CACNA1D: variants seen among roughly 807,000 people sequenced by gnomAD.
CACNA1D encodes calcium voltage-gated channel subunit alpha1 D.
A neutral mutation model predicts 257.1 loss-of-function variants in CACNA1D; 55 were observed. The observed-to-expected ratio is 0.21, with a 90% CI of 0.17 to 0.27. The LOEUF is 0.27. CACNA1D is among the 10% of genes least tolerant of loss of function. The pLI, the probability that CACNA1D is intolerant of heterozygous loss-of-function variation, is 1.00. For missense variants in CACNA1D, 1,876 were observed against 2,784.0 expected, an observed-to-expected ratio of 0.67 and a Z score of 7.34; for synonymous variants, 980 against 1,014.9, an observed-to-expected ratio of 0.97 and a Z score of 0.65.
chr3:53,653,143 T>C (rs67291086), intron 4 of CACNA1D, among the ~76,000 whole-genome samples: 20,137 of 152,020 alleles, frequency 0.13, 1,347 homozygotes, highest in East Asian at 0.13. Context: ...CCCGGCTACA[T>C]GGGAGGCTGA....
At chr3:53,704,674 C>G (rs898119897) in intron 9 of CACNA1D, among the ~76,000 whole-genome samples, 11 of 152,208 alleles carry the variant, frequency 7.2e-5, no homozygotes, top group African/African-American at 2.7e-4. Flanking sequence ...CGCTCTTTTC[C>G]CCTTCACTTG....
chr3:53,791,605 C>T (rs1161884852), intron 40 of CACNA1D: 1 of 152,832 alleles, frequency 6.5e-6, no homozygotes, highest in Non-Finnish European at 1.5e-5. Context: ...TCTGCAGAGA[C>T]CCAGTCCAGA....
intron 9 of CACNA1D, among the ~76,000 whole-genome samples, chr3:53,717,229 C>A (rs1331617646): frequency 6.6e-6 from 1 of 152,194 alleles, no homozygotes; most frequent in African/African-American, 2.4e-5. Context: ...ACCTCTGCAC[C>A]CCGGCAGAAT....
intron 3 of CACNA1D, among the ~76,000 whole-genome samples, chr3:53,590,133 C>A (rs182987524): frequency 6.6e-6 from 1 of 152,370 alleles, no homozygotes; most frequent in Non-Finnish European, 1.5e-5. Context: ...CCTGGCCCTG[C>A]CTGGCCATCC....
In CACNA1D at chr3:53,747,425, C is replaced by T. The variant is rs2095180857; in HGVS notation, c.3291C>T (p.Val1097=). The change falls in exon 26 of 48, where the codon GTC becomes GTT. Residue 1097 remains valine (V), a synonymous_variant. Coordinates refer to ENST00000350061, the MANE Select transcript of CACNA1D (RefSeq NM_001128840.3). ...VLSAMMALFT[V]STFEGWPALL... ...CTGCTATGATGGCGCTCTTCACAGT[C>T]TCCACGTTTGAGGGCTGGCCTGCGT... is the stretch of plus-strand genomic sequence containing the variant. 11 of 1,614,250 alleles carry T rather than the reference C, an allele frequency of 6.8e-6. No homozygotes were observed. Among genetic ancestry groups the T allele is most frequent in the African/African-American group, 1.3e-5 (1 of 75,080 alleles).
At chr3:53,659,069 C>G (rs935880936) in intron 4 of CACNA1D, among the ~76,000 whole-genome samples, 3 of 152,182 alleles carry the variant, frequency 2.0e-5, no homozygotes, top group Non-Finnish European at 4.4e-5. Flanking sequence ...GTTGCTGGGC[C>G]AGTCATTCCC....
intron 8 of CACNA1D, among the ~76,000 whole-genome samples, chr3:53,686,472 A>G (rs370220123): frequency 6.6e-6 from 1 of 152,112 alleles, no homozygotes; most frequent in African/African-American, 2.4e-5. Context: ...TAGCAGGATG[A>G]AAGGAATAAT....
chr3:53,576,465 T>A (rs1456981821), intron 3 of CACNA1D, among the ~76,000 whole-genome samples: 1 of 152,220 alleles, frequency 6.6e-6, no homozygotes, highest in African/African-American at 2.4e-5. Flanking sequence ...CTTTCTGTAA[T>A]GTTTTCCCAT....
Position 53,774,780 on chromosome 3 carries a change from T to A in CACNA1D, c.4202+102T>A. On this transcript the variant is annotated intron_variant, in intron 34 of 47. Transcript: ENST00000350061. The surrounding 1 kb of genome is among the most constrained non-coding windows in gnomAD (Gnocchi z 4.3). ...AGGTTATTAAAGCAGTGTGCCTTTCTCAGTTGATTGTGATGGCTTTTTGTT... is the reference window on the plus strand; with the variant it reads ...AGGTTATTAAAGCAGTGTGCCTTTCACAGTTGATTGTGATGGCTTTTTGTT... 1 of 734,930 alleles carries A rather than the reference T, an allele frequency of 1.4e-6. No homozygotes were observed. The highest frequency in any genetic ancestry group is 2.5e-5 in the East Asian group (1 of 40,552). The allele number at this position is 734,930 out of a possible 1,614,324, so 45.5% of individuals were successfully genotyped here. A position where few individuals can be genotyped will look rare whatever the true frequency, so the allele number is the denominator to read the frequency against.
intron 3 of CACNA1D, among the ~76,000 whole-genome samples, chr3:53,540,432 A>G (rs992218055): frequency 1.3e-5 from 2 of 151,612 alleles, no homozygotes; most frequent in South Asian, 4.2e-4. Flanking sequence ...GGCCACAAGT[A>G]CTTTTAAAAT....
Position 53,495,165 on chromosome 3 carries a change from G to GGATGATGAT in CACNA1D, c.14_22dup. The GGATGATGAT allele has an allele frequency of 2.5e-6, 4 of 1,607,402 alleles. No individual in the cohort carries two copies. The highest frequency in any genetic ancestry group is 3.4e-6 in the Non-Finnish European group (4 of 1,175,298). The stretch of plus-strand genomic sequence containing the variant: ...CAGTAGTCGCTCAATAAATGTTCGT[G>GGATGATGAT]GATGATGATGATGATGATGATGAAA... On this transcript the variant is annotated 5_prime_UTR_variant, in exon 1 of 48. In the 5' UTR this introduces an upstream ATG that the reference lacks. Transcript: ENST00000350061. The surrounding 1 kb of genome is among the most constrained non-coding windows in gnomAD (Gnocchi z 5.1).
chr3:53,510,384 A>G (rs146935827), intron 3 of CACNA1D, among the ~76,000 whole-genome samples: 447 of 152,350 alleles, frequency 2.9e-3, no homozygotes, highest in Non-Finnish European at 5.4e-3. Flanking sequence ...CCATATCTGT[A>G]TGCAGAAATC....
intron 3 of CACNA1D, among the ~76,000 whole-genome samples, chr3:53,610,026 T>C (rs1302788620): frequency 6.6e-6 from 1 of 152,264 alleles, no homozygotes; most frequent in African/African-American, 2.4e-5. Context: ...TGTAAATTTC[T>C]ACATATTTGG....
At chr3:53,719,227 C>G (rs2094855921) in intron 10 of CACNA1D, among the ~76,000 whole-genome samples, 1 of 152,196 alleles carries the variant, frequency 6.6e-6, no homozygotes, top group African/African-American at 2.4e-5. Flanking sequence ...GCAGAATATG[C>G]AACCATTTGT....
intron 5 of CACNA1D, among the ~76,000 whole-genome samples, chr3:53,663,946 G>A (rs1441645546): frequency 6.6e-6 from 1 of 151,902 alleles, no homozygotes; most frequent in Admixed American, 6.6e-5. Context: ...TTGTATTTTT[G>A]GTAGAGATGG....
At chr3:53,531,732 C>T (rs745615273) in intron 3 of CACNA1D, among the ~76,000 whole-genome samples, 2 of 152,174 alleles carry the variant, frequency 1.3e-5, no homozygotes, top group Non-Finnish European at 2.9e-5. Context: ...TCTCAACTTT[C>T]TTCTTATTGA....
At chr3:53,515,112 A>G (rs1575724756) in intron 3 of CACNA1D, among the ~76,000 whole-genome samples, 1 of 152,234 alleles carries the variant, frequency 6.6e-6, no homozygotes, top group Non-Finnish European at 1.5e-5. Context: ...TGCTGCAGCT[A>G]GAAGACTGAA....
intron 15 of CACNA1D, among the ~76,000 whole-genome samples, chr3:53,727,605 G>A (rs2094948519): frequency 1.3e-5 from 2 of 151,570 alleles, no homozygotes; most frequent in African/African-American, 2.4e-5. Flanking sequence ...CCTTAGATCT[G>A]TATTTACCTC....
At chr3:53,627,422 A>G (rs578224356) in intron 3 of CACNA1D, among the ~76,000 whole-genome samples, 4 of 152,316 alleles carry the variant, frequency 2.6e-5, no homozygotes, top group African/African-American at 7.2e-5. Flanking sequence ...GCCAAAGCTG[A>G]GAGTTCCCTG....
Sources: allele counts gnomAD v4.1 joint callset (sites outside exome capture counted in the v4.1 genomes callset), GRCh38; gene constraint gnomAD v4.1.1; non-coding constraint Gnocchi (gnomAD v3.1); transcripts MANE v1.5; gene names NCBI Gene and HGNC (gene_info 2026-07-23, HGNC 2026-07-21).